Variants in CDK19 observed in about 807,000 individuals in gnomAD.
CDK19 encodes the protein cyclin dependent kinase 19.
CDK19 carries 20 observed loss-of-function variants against 68.3 expected under a neutral mutation model. The ratio of observed to expected loss-of-function variants is 0.29; its 90% CI spans 0.21 to 0.43. The LOEUF is 0.43. CDK19 is among the 20% of genes least tolerant of loss of function. CDK19 has a pLI of 1.00. For synonymous variants in CDK19, 221 were observed against 222.8 expected (o/e 0.99, Z 0.07); for missense variants, 339 against 623.5 (o/e 0.54, Z 4.86).
intron 4 of CDK19, among the ~76,000 whole-genome samples, chr6:110,643,676 C>A (rs1441981971): frequency 6.6e-6 from 1 of 152,088 alleles, no homozygotes; most frequent in Non-Finnish European, 1.5e-5. Flanking sequence ...ACAGACATGG[C>A]ATGTTGAGAG....
chr6:110,681,496 C>T (rs142704389), intron 2 of CDK19, among the ~76,000 whole-genome samples: 2 of 152,268 alleles, frequency 1.3e-5, no homozygotes, highest in Admixed American at 6.5e-5. Context: ...CAAATACATA[C>T]ACACACCAGA....
chr6:110,650,294 C>T (rs566781221), intron 4 of CDK19, among the ~76,000 whole-genome samples: 1 of 151,988 alleles, frequency 6.6e-6, no homozygotes, highest in East Asian at 1.9e-4. Context: ...TGGGAGGAGC[C>T]AGGAGGATAG....
intron 2 of CDK19, among the ~76,000 whole-genome samples, chr6:110,711,897 T>TG (rs1774971371): frequency 6.6e-6 from 1 of 152,154 alleles, no homozygotes; most frequent in South Asian, 2.1e-4. Context: ...GAACCCAGGC[T>TG]GGGGGGCGGA....
At chr6:110,809,178 G>A (rs907508375) in intron 1 of CDK19, among the ~76,000 whole-genome samples, 1 of 149,332 alleles carries the variant, frequency 6.7e-6, no homozygotes, top group Non-Finnish European at 1.5e-5. Flanking sequence ...CTGCGCCACT[G>A]CACTCCAGCC....
chr6:110,706,881 G>C, intron 2 of CDK19: 1 of 188,098 alleles, frequency 5.3e-6, no homozygotes, highest in East Asian at 1.2e-4. Flanking sequence ...TTTTCTAAAA[G>C]GCTATATTTT....
At chr6:110,644,207 G>T (rs1780390501) in intron 4 of CDK19, among the ~76,000 whole-genome samples, 2 of 151,786 alleles carry the variant, frequency 1.3e-5, no homozygotes, top group South Asian at 4.2e-4. Context: ...CAGGAGAATT[G>T]CTTTAACCCC....
intron 2 of CDK19, among the ~76,000 whole-genome samples, chr6:110,686,342 C>G (rs1562196498): frequency 6.6e-6 from 1 of 152,184 alleles, no homozygotes; most frequent in African/African-American, 2.4e-5. Flanking sequence ...AGAATTTGAG[C>G]ATTAATCAGC....
intron 4 of CDK19, among the ~76,000 whole-genome samples, chr6:110,642,913 T>C (rs935388283): frequency 4.0e-5 from 6 of 151,728 alleles, no homozygotes; most frequent in South Asian, 4.2e-4. Context: ...AGAAAGGAAA[T>C]ATTCCTTGAA....
chr6:110,636,223 A>G (rs1199564863), intron 5 of CDK19, among the ~76,000 whole-genome samples: 1 of 152,254 alleles, frequency 6.6e-6, no homozygotes, highest in East Asian at 1.9e-4. Context: ...AATGGAGGAT[A>G]AGTTACCACA....
chr6:110,696,578 T>C (rs572993561), intron 2 of CDK19, among the ~76,000 whole-genome samples: 4 of 152,254 alleles, frequency 2.6e-5, no homozygotes, highest in East Asian at 3.9e-4. Flanking sequence ...GCTGATATGA[T>C]TGTATACCTA....
At chr6:110,718,638 CAAAA>C (rs34228815) in intron 2 of CDK19, among the ~76,000 whole-genome samples, 27 of 125,762 alleles carry the variant, frequency 2.1e-4, no homozygotes, top group East Asian at 6.5e-4. Flanking sequence ...CTTCAAAGTC[CAAAA>C]AAAAAAAAAA....
chr6:110,799,402 A>T (rs1036733841), intron 1 of CDK19, among the ~76,000 whole-genome samples: 1 of 152,056 alleles, frequency 6.6e-6, no homozygotes, highest in Non-Finnish European at 1.5e-5. Flanking sequence ...GGTTGGTTTC[A>T]GTTCCTTCCA....
chr6:110,763,152 G>A (rs138915505), intron 1 of CDK19, among the ~76,000 whole-genome samples: 4 of 152,090 alleles, frequency 2.6e-5, no homozygotes, highest in Non-Finnish European at 5.9e-5. Context: ...TATTAAAACT[G>A]CCTGAATCCC....
intron 1 of CDK19, chr6:110,813,716 A>T (rs1783310764): frequency 6.6e-6 from 1 of 150,908 alleles, no homozygotes; most frequent in African/African-American, 2.4e-5. Flanking sequence ...ACTTTATAAT[A>T]GAGTTGTTTT....
chr6:110,791,453 G>A (rs948924530), intron 1 of CDK19, among the ~76,000 whole-genome samples: 1 of 151,864 alleles, frequency 6.6e-6, no homozygotes, highest in Non-Finnish European at 1.5e-5. Flanking sequence ...ACAACTATTG[G>A]AAAAGAAGGT....
intron 6 of CDK19, among the ~76,000 whole-genome samples, chr6:110,627,494 T>C (rs1042328796): frequency 2.0e-5 from 3 of 152,102 alleles, no homozygotes; most frequent in African/African-American, 7.2e-5. Context: ...ATTCTTTAGA[T>C]TTAGGCAAAG....
At chr6:110,783,443 G>C (rs112367531) in intron 1 of CDK19, among the ~76,000 whole-genome samples, 2 of 152,174 alleles carry the variant, frequency 1.3e-5, no homozygotes, top group African/African-American at 4.8e-5. Context: ...TTCGAGACCA[G>C]CCTGGCCAAC....
At chr6:110,620,999 C>T in intron 12 of CDK19, 105 bp downstream of exon 12, 1 of 1,078,638 alleles carries the variant, frequency 9.3e-7, no homozygotes, top group African/African-American at 1.6e-5. Flanking sequence ...AACAGGATTG[C>T]ACAGTCAAAT....
intron 2 of CDK19, among the ~76,000 whole-genome samples, chr6:110,734,097 C>T (rs1456353322): frequency 6.6e-6 from 1 of 152,114 alleles, no homozygotes; most frequent in Non-Finnish European, 1.5e-5. Context: ...GCAACCTCCA[C>T]CTCCCAGGTT....
Sources: gnomAD v4.1 joint callset for allele counts (sites outside exome capture counted in the v4.1 genomes callset) on GRCh38, gnomAD v4.1.1 for gene constraint, MANE v1.5 for transcripts, NCBI Gene and HGNC (gene_info 2026-07-23, HGNC 2026-07-21) for gene names.